DSCAM: variants seen among roughly 807,000 people sequenced by gnomAD.
DSCAM encodes the protein cell adhesion molecule DSCAM.
A neutral mutation model predicts 217.7 loss-of-function variants in DSCAM; 47 were observed. The observed-to-expected ratio is 0.22, with a 90% CI of 0.17 to 0.28. The LOEUF (loss-of-function observed/expected upper bound fraction) is 0.28. Among genes scored for constraint, DSCAM ranks in the 10% least tolerant of loss-of-function variants. The pLI is 1.00. For missense variants in DSCAM, 2,080 were observed against 2,618.3 expected, an observed-to-expected ratio of 0.79 and a Z score of 4.49; for synonymous variants, 1,056 against 1,015.3, an observed-to-expected ratio of 1.04 and a Z score of -0.76.
At chr21:40,515,945 T>TC (rs1358393519) in intron 3 of DSCAM, among the ~76,000 whole-genome samples, 1 of 152,288 alleles carries the variant, frequency 6.6e-6, no homozygotes, top group Non-Finnish European at 1.5e-5. Flanking sequence ...TCTTTTTTTT[T>TC]CATAGATAAC....
At chr21:40,764,780 A>G (rs1048217412) in intron 1 of DSCAM, among the ~76,000 whole-genome samples, 2 of 134,784 alleles carry the variant, frequency 1.5e-5, no homozygotes, top group Non-Finnish European at 3.5e-5. Context: ...ATAAAAATGA[A>G]TGAGTTCATG....
intron 3 of DSCAM, among the ~76,000 whole-genome samples, chr21:40,541,206 A>G (rs1193318608): frequency 6.6e-6 from 1 of 152,148 alleles, no homozygotes; most frequent in Non-Finnish European, 1.5e-5. Flanking sequence ...AAAATTTTCA[A>G]TAAAAAAGCA....
chr21:40,029,011 T>TAAAAATGCAGC (rs1260464989), intron 32 of DSCAM, among the ~76,000 whole-genome samples: 70 of 152,308 alleles, frequency 4.6e-4, no homozygotes, highest in African/African-American at 1.5e-3. Flanking sequence ...TTACAAGTCC[T>TAAAAATGCAGC]AAAAATGCAG....
At chr21:40,584,120 G>A (rs2076925956) in intron 3 of DSCAM, among the ~76,000 whole-genome samples, 1 of 152,092 alleles carries the variant, frequency 6.6e-6, no homozygotes, top group Non-Finnish European at 1.5e-5. Context: ...TATGTGCCAT[G>A]GAAAAATCCA....
intron 32 of DSCAM, among the ~76,000 whole-genome samples, chr21:40,036,817 C>T (rs2088633852): frequency 6.7e-6 from 1 of 148,254 alleles, no homozygotes; most frequent in African/African-American, 2.6e-5. Context: ...GCTTATCCAC[C>T]ATGATCAAGT....
chr21:40,575,878 T>C (rs2076846227), intron 3 of DSCAM, among the ~76,000 whole-genome samples: 2 of 152,018 alleles, frequency 1.3e-5, no homozygotes, highest in African/African-American at 2.4e-5. Flanking sequence ...TCACGTCCAA[T>C]GAGCACATGT....
chr21:40,411,117 A>G (rs2075318737), intron 3 of DSCAM, among the ~76,000 whole-genome samples: 1 of 151,786 alleles, frequency 6.6e-6, no homozygotes, highest in Non-Finnish European at 1.5e-5. Context: ...CACTGTAATA[A>G]GATTCAACAA....
chr21:40,366,543 CA>C (rs559563436), intron 4 of DSCAM, among the ~76,000 whole-genome samples: 85 of 151,946 alleles, frequency 5.6e-4, no homozygotes, highest in African/African-American at 1.8e-3. Flanking sequence ...TCATTTCAAA[CA>C]AAAAAATATA....
At chr21:40,766,685 A>AC (rs990167495) in intron 1 of DSCAM, among the ~76,000 whole-genome samples, 5 of 122,158 alleles carry the variant, frequency 4.1e-5, no homozygotes, top group Admixed American at 3.2e-4. Flanking sequence ...AAAAAAAAAA[A>AC]AAACAACTTT....
At chr21:40,522,520 GGTCAC>G (rs996728416) in intron 3 of DSCAM, among the ~76,000 whole-genome samples, 21 of 152,234 alleles carry the variant, frequency 1.4e-4, no homozygotes, top group African/African-American at 5.1e-4. Context: ...ACTAAATCTA[GGTCAC>G]GTTTTCTCTT....
rs543232852 is a variant in DSCAM at position 40,612,154 on chromosome 21, C to G, written c.508+80656G>C. Among the ~76,000 whole-genome samples, 4 of 152,260 alleles carry G rather than the reference C, an allele frequency of 2.6e-5. No individual in the cohort carries two copies. In the East Asian group the frequency reaches 7.7e-4, roughly 29 times the overall value. Reference sequence around the variant, plus strand: ...TTGTACGCTTAGAGGGTGACATGATCCAACACGATTTTATAGAAATTAAAT... The same window carrying G: ...TTGTACGCTTAGAGGGTGACATGATGCAACACGATTTTATAGAAATTAAAT... On this transcript the variant is annotated intron_variant, in intron 3 of 32. Transcript: ENST00000400454.
chr21:40,452,237 T>TTTACAC (rs111465484), intron 3 of DSCAM, among the ~76,000 whole-genome samples: 3 of 144,370 alleles, frequency 2.1e-5, no homozygotes, highest in African/African-American at 7.8e-5. Flanking sequence ...TACACTATAT[T>TTTACAC]ACACACACAC....
chr21:40,807,109 G>GAATCAATC (rs138377770), intron 1 of DSCAM, among the ~76,000 whole-genome samples: 3 of 151,116 alleles, frequency 2.0e-5, no homozygotes, highest in Admixed American at 6.6e-5. Context: ...AAAGTATAAT[G>GAATCAATC]AATCAATCAA....
chr21:40,238,532 AG>A (rs2073107549), intron 11 of DSCAM, among the ~76,000 whole-genome samples: 1 of 152,214 alleles, frequency 6.6e-6, no homozygotes. Flanking sequence ...ATGTTGGCCT[AG>A]GTGTCCTCTC....
At chr21:40,364,676 A>C (rs1446762230) in intron 4 of DSCAM, among the ~76,000 whole-genome samples, 3 of 116,734 alleles carry the variant, frequency 2.6e-5, no homozygotes, top group African/African-American at 9.6e-5. Context: ...CTTAAAGTAC[A>C]ATTAAAAAAA....
intron 3 of DSCAM, among the ~76,000 whole-genome samples, chr21:40,620,092 GAGAA>G (rs1476308595): frequency 8.9e-5 from 8 of 89,950 alleles, no homozygotes; most frequent in South Asian, 4.6e-4. Flanking sequence ...AAGAAAGAGA[GAGAA>G]AGAGAGAGAA....
intron 3 of DSCAM, among the ~76,000 whole-genome samples, chr21:40,430,035 C>A (rs991463573): frequency 6.6e-6 from 1 of 152,096 alleles, no homozygotes; most frequent in Non-Finnish European, 1.5e-5. Flanking sequence ...ATAATTTTTC[C>A]TAATATCCAG....
At chr21:40,382,914 A>G (rs2075041101) in intron 3 of DSCAM, among the ~76,000 whole-genome samples, 1 of 152,252 alleles carries the variant, frequency 6.6e-6, no homozygotes, top group African/African-American at 2.4e-5. Context: ...GTTACCTAAA[A>G]GGCTAATTCC....
intron 3 of DSCAM, among the ~76,000 whole-genome samples, chr21:40,606,993 A>C (rs572155532): frequency 7.2e-5 from 11 of 152,222 alleles, no homozygotes; most frequent in African/African-American, 2.6e-4. Flanking sequence ...GCCTTCCACC[A>C]TGTTTGTGAG....
Sources: gnomAD v4.1 joint callset for allele counts (sites outside exome capture counted in the v4.1 genomes callset) on GRCh38, gnomAD v4.1.1 for gene constraint, MANE v1.5 for transcripts, NCBI Gene and HGNC (gene_info 2026-07-23, HGNC 2026-07-21) for gene names.